The following QPCT variants were observed in gnomAD, a reference collection of about 807,000 sequenced individuals.
The protein encoded by QPCT is EC.
QPCT carries 44 observed loss-of-function variants against 43.4 expected under a neutral mutation model. That is an observed-to-expected ratio of 1.01 (90% CI 0.80 to 1.30). The LOEUF is 1.30. Among genes scored for constraint, QPCT ranks in the 50% most tolerant of loss-of-function variants. QPCT has a pLI of 0.00. For synonymous variants in QPCT, 168 were observed against 168.4 expected, an observed-to-expected ratio of 1.00 and a Z score of 0.02; for missense variants, 526 against 436.5, an observed-to-expected ratio of 1.21 and a Z score of -1.83.
chr2:37,367,432 C>T (rs2124941899), intron 4 of QPCT, 24 bp downstream of exon 4: 1 of 1,602,736 alleles, frequency 6.2e-7, no homozygotes, highest in South Asian at 1.1e-5. Flanking sequence ...ATTTCCCTAG[C>T]ACTGTAGCTG....
rs1195220581 is a variant in QPCT, at chr2:37,369,589, T to C, written c.724-96T>C. The stretch of plus-strand genomic sequence containing the variant: ...AGCTTGCCATATTATTCTCAATTAC[T>C]GAAATGCAGTTAATTTTGACTGATT... On this transcript the variant is annotated intron_variant, in intron 4 of 6. Transcript: ENST00000338415. The C allele has an allele frequency of 2.5e-5, 22 of 897,398 alleles. 1 individual carries two copies. The highest frequency in any genetic ancestry group is 3.1e-5 in the Non-Finnish European group (17 of 543,090). The allele number at this position is 897,398 out of a possible 1,614,324, so 55.6% of individuals were successfully genotyped here. A position where few individuals can be genotyped will look rare whatever the true frequency, so the allele number is the denominator to read the frequency against.
intron 4 of QPCT, among the ~76,000 whole-genome samples, chr2:37,369,109 T>C (rs568841138): frequency 2.4e-4 from 36 of 152,304 alleles, no homozygotes; most frequent in East Asian, 5.8e-4. Context: ...CGTGATGAGA[T>C]GAAAGAGAGC....
chr2:37,369,874 G>A, intron 5 of QPCT, 90 bp downstream of exon 5: 1 of 1,216,010 alleles, frequency 8.2e-7, no homozygotes. Flanking sequence ...TAATTTGGCT[G>A]GGCGCAGTGG....
At chr2:37,348,774 CAG>C (rs1672561198) in intron 1 of QPCT, among the ~76,000 whole-genome samples, 1 of 152,176 alleles carries the variant, frequency 6.6e-6, no homozygotes. Flanking sequence ...AAAGACAAGG[CAG>C]GGGCTGTAAC....
At chr2:37,356,494 A>G (rs1672748176) in intron 2 of QPCT, among the ~76,000 whole-genome samples, 1 of 152,160 alleles carries the variant, frequency 6.6e-6, no homozygotes, top group Non-Finnish European at 1.5e-5. Flanking sequence ...AGTCCCTGCC[A>G]CAGCCACGCA....
At chr2:37,356,458 G>C (rs538881218) in intron 2 of QPCT, among the ~76,000 whole-genome samples, 5 of 152,044 alleles carry the variant, frequency 3.3e-5, no homozygotes, top group Admixed American at 6.6e-5. Flanking sequence ...TTGCTGCTTT[G>C]GTATTGGGGA....
chr2:37,370,440 G>A lies in QPCT; in HGVS notation c.823+656G>A, dbSNP rs150179738. On this transcript the variant is annotated intron_variant, in intron 5 of 6. Coordinates refer to ENST00000338415, the MANE Select transcript of QPCT (RefSeq NM_012413.4). Reference sequence around the variant, plus strand: ...GTCCTGTTTGAAGCAGGTAGAATGCGTTTCGAGAGAAAAGTTTACTCAACA... The same window carrying A: ...GTCCTGTTTGAAGCAGGTAGAATGCATTTCGAGAGAAAAGTTTACTCAACA... Among the ~76,000 whole-genome samples, 450 of 152,274 alleles carry A rather than the reference G, an allele frequency of 3.0e-3. 1 individual carries two copies. The highest frequency in any genetic ancestry group is 0.01 in the African/African-American group (430 of 41,570).
intron 1 of QPCT, among the ~76,000 whole-genome samples, chr2:37,349,989 G>C (rs771008605): frequency 1.3e-5 from 2 of 152,180 alleles, no homozygotes; most frequent in African/African-American, 4.8e-5. Context: ...GTGGGAGAGA[G>C]AGGTAAACAA....
In QPCT at chr2:37,344,670, G is replaced by T; in HGVS notation, c.-62G>T. 2 of 1,540,676 alleles carry T rather than the reference G, an allele frequency of 1.3e-6. No homozygotes were observed. The highest frequency in any genetic ancestry group is 1.7e-6 in the Non-Finnish European group (2 of 1,145,056). On this transcript the variant is annotated 5_prime_UTR_variant, in exon 1 of 7. Transcript: ENST00000338415. Reference sequence around the variant, plus strand: ...GGAGAAGAGGGAAGGCGAAGGACGCGCGTTCCCGGGCTCGTGACCGCCAGC... The same window carrying T: ...GGAGAAGAGGGAAGGCGAAGGACGCTCGTTCCCGGGCTCGTGACCGCCAGC...
intron 4 of QPCT, chr2:37,368,730 C>A (rs148781285): frequency 4.3e-6 from 2 of 470,208 alleles, no homozygotes; most frequent in Non-Finnish European, 4.4e-6. Flanking sequence ...CAAGAGGAGA[C>A]GCCTGGTTGA....
chr2:37,354,292 G>A (rs1368642775), intron 2 of QPCT, among the ~76,000 whole-genome samples: 1 of 152,158 alleles, frequency 6.6e-6, no homozygotes, highest in Non-Finnish European at 1.5e-5. Flanking sequence ...GGAATTAGAC[G>A]GTAGACACCC....
At chr2:37,347,155 T>TATATATATATATATATATATATATATATC (rs1572726376) in intron 1 of QPCT, among the ~76,000 whole-genome samples, 1 of 65,498 alleles carries the variant, frequency 1.5e-5, no homozygotes, top group African/African-American at 7.3e-5. Flanking sequence ...TATATATATA[T>TATATATATATATATATATATATATATATC]ATATATATAA....
chr2:37,359,374 A>C (rs1165472628), intron 2 of QPCT, among the ~76,000 whole-genome samples: 1 of 152,232 alleles, frequency 6.6e-6, no homozygotes, highest in East Asian at 1.9e-4. Context: ...AGGCAAGAGG[A>C]TTAGCTTCTC....
At chr2:37,370,369 A>G (rs1009555885) in intron 5 of QPCT, among the ~76,000 whole-genome samples, 2 of 152,246 alleles carry the variant, frequency 1.3e-5, no homozygotes, top group East Asian at 3.9e-4. Context: ...TCATGTTTGC[A>G]CATCCTTAAA....
Position 37,372,775 on chromosome 2 carries a change from A to C in QPCT, c.1034A>C (p.Asp345Ala). 1 of 1,613,026 alleles carries C rather than the reference A, an allele frequency of 6.2e-7. No individual in the cohort carries two copies. Among genetic ancestry groups the C allele is most frequent in the Non-Finnish European group, 8.5e-7 (1 of 1,179,116 alleles). Reference protein sequence around the residue: ...NEENLDESTIDNLNKILQVFV... With the variant: ...NEENLDESTIANLNKILQVFV... ...GAAAATTTGGATGAATCAACCATTG[A>C]CAATCTAAACAAAATCCTACAAGTC... Residue 345 changes from aspartate to alanine, a missense_variant, in exon 7 of 7, where the codon GAC becomes GCC. Transcript: ENST00000338415.
At chr2:37,347,146 A>T (rs5017961) in intron 1 of QPCT, among the ~76,000 whole-genome samples, 4,910 of 10,240 alleles carry the variant, frequency 0.48, 390 homozygotes, top group East Asian at 0.57. Context: ...GGGGTGTTTT[A>T]TATATATATA....
chr2:37,371,041 A>C (rs1049350477), intron 5 of QPCT, among the ~76,000 whole-genome samples: 8 of 152,174 alleles, frequency 5.3e-5, no homozygotes, highest in African/African-American at 1.9e-4. Context: ...TGCCATGAGT[A>C]AAGAATTTGT....
intron 3 of QPCT, among the ~76,000 whole-genome samples, chr2:37,362,138 C>T (rs575809186): frequency 4.6e-5 from 7 of 152,224 alleles, no homozygotes; most frequent in Non-Finnish European, 8.8e-5. Context: ...TGAAGTTTCA[C>T]TGAGGTACTT....
intron 1 of QPCT, among the ~76,000 whole-genome samples, chr2:37,352,330 T>A (rs1217156773): frequency 6.6e-6 from 1 of 152,130 alleles, no homozygotes; most frequent in Non-Finnish European, 1.5e-5. Context: ...TTTTTAATTA[T>A]TTTTAAAATT....
Sources: allele counts gnomAD v4.1 joint callset (sites outside exome capture counted in the v4.1 genomes callset), GRCh38; gene constraint gnomAD v4.1.1; transcripts MANE v1.5; gene names NCBI Gene and HGNC (gene_info 2026-07-23, HGNC 2026-07-21).